The following NEGR1 variants were observed in gnomAD, a reference collection of about 807,000 sequenced individuals.
NEGR1 encodes the protein IgLON family member 4.
NEGR1 carries 10 observed loss-of-function variants against 40.9 expected under a neutral mutation model. The ratio of observed to expected loss-of-function variants is 0.24; its 90% confidence interval spans 0.15 to 0.42. The LOEUF is 0.42. Ranked by LOEUF, NEGR1 falls within the 10% of genes least tolerant of loss-of-function variation. The probability of loss-of-function intolerance (pLI) is 1.00; values close to 1 mark genes in which losing one functional copy is unlikely to be tolerated. For synonymous variants in NEGR1, 185 were observed against 166.8 expected, an observed-to-expected ratio of 1.11 and a Z score of -0.84; for missense variants, 352 against 438.9, an observed-to-expected ratio of 0.80 and a Z score of 1.77.
chr1:72,043,531 A>G (rs1646974215), intron 1 of NEGR1, among the ~76,000 whole-genome samples: 1 of 151,924 alleles, frequency 6.6e-6, no homozygotes, highest in South Asian at 2.1e-4. Flanking sequence ...TGAATATCAA[A>G]AATTTAACTC....
intron 1 of NEGR1, among the ~76,000 whole-genome samples, chr1:71,941,334 C>T (rs898310732): frequency 2.0e-5 from 3 of 149,202 alleles, no homozygotes; most frequent in Non-Finnish European, 4.5e-5. Context: ...TTCTCCCCTA[C>T]CTTTGTTTTT....
intron 1 of NEGR1, among the ~76,000 whole-genome samples, chr1:72,015,060 C>T (rs1569826642): frequency 6.6e-6 from 1 of 151,906 alleles, no homozygotes; most frequent in Non-Finnish European, 1.5e-5. Context: ...CAGCTAACAC[C>T]TTATTTCTTC....
chr1:71,815,118 T>C (rs977235778), intron 2 of NEGR1, among the ~76,000 whole-genome samples: 1 of 152,150 alleles, frequency 6.6e-6, no homozygotes, highest in African/African-American at 2.4e-5. Flanking sequence ...TTTGCTCTCA[T>C]TGGTTTCAAA....
intron 1 of NEGR1, among the ~76,000 whole-genome samples, chr1:72,002,995 T>C (rs948869094): frequency 6.6e-6 from 1 of 152,134 alleles, no homozygotes; most frequent in African/African-American, 2.4e-5. Context: ...GTAAAGTGAC[T>C]CCAACATAGC....
intron 1 of NEGR1, among the ~76,000 whole-genome samples, chr1:72,047,902 C>T (rs1310059811): frequency 2.0e-5 from 3 of 151,586 alleles, no homozygotes; most frequent in African/African-American, 7.2e-5. Context: ...AAGCATATAG[C>T]ACCAAGTATA....
intron 6 of NEGR1, among the ~76,000 whole-genome samples, chr1:71,491,731 C>T (rs947694239): frequency 1.3e-5 from 2 of 151,968 alleles, no homozygotes; most frequent in Non-Finnish European, 1.5e-5. Flanking sequence ...TTCTTTCATT[C>T]CCAAAGGGCT....
intron 6 of NEGR1, among the ~76,000 whole-genome samples, chr1:71,569,610 A>G (rs1483863859): frequency 2.0e-5 from 3 of 152,206 alleles, no homozygotes; most frequent in African/African-American, 7.2e-5. Context: ...TTATTTTTTA[A>G]AGCATGACAA....
intron 2 of NEGR1, among the ~76,000 whole-genome samples, chr1:71,898,964 C>CATATATATATATATATAGCATATATAT (rs56183950): frequency 1.0e-5 from 1 of 95,938 alleles, no homozygotes; most frequent in Non-Finnish European, 1.9e-5. Flanking sequence ...ATATATATAG[C>CATATATATATATATATAGCATATATAT]ATATATATAT....
Position 72,018,884 on chromosome 1 carries a change from T to C in NEGR1, c.177-83573A>G, listed in dbSNP as rs140227836. Among the ~76,000 whole-genome samples, 934 of 152,240 alleles carry C rather than the reference T, an allele frequency of 6.1e-3. 12 individuals carry two copies. Among genetic ancestry groups the C allele is most frequent in the Non-Finnish European group, 5.3e-3 (363 of 68,020 alleles). On this transcript the variant is annotated intron_variant, in intron 1 of 6. Coordinates refer to ENST00000357731, the MANE Select transcript of NEGR1 (RefSeq NM_173808.3). ...GGGGAAATGTTGGCATAGGGCAACA[T>C]GATCTAGCACCGGTTTCAAATACAT...
chr1:71,942,477 ATATATATTTTTTTTTTTTTT>A lies in NEGR1; in HGVS notation c.177-7186_177-7167del, dbSNP rs1418511771. On this transcript the variant is annotated intron_variant, in intron 1 of 6. Transcript: ENST00000357731. ...AATCTATATATATATATATATATAT[ATATATATTTTTTTTTTTTTT>A]TTTTTTTTTTTTTTTTTTTTTTGAG... Among the ~76,000 whole-genome samples, 21 of 14,916 alleles carry A rather than the reference ATATATATTTTTTTTTTTTTT, an allele frequency of 1.4e-3. 1 individual carries two copies. Among genetic ancestry groups the A allele is most frequent in the African/African-American group, 4.6e-3 (21 of 4,598 alleles). 9.8% of individuals were successfully genotyped at this position (14,916 alleles called of 152,430 possible). A position where few individuals can be genotyped will look rare whatever the true frequency, so the allele number is the denominator to read the frequency against.
intron 1 of NEGR1, among the ~76,000 whole-genome samples, chr1:72,170,000 C>A (rs995319437): frequency 3.3e-5 from 5 of 152,100 alleles, no homozygotes; most frequent in South Asian, 2.1e-4. Context: ...AAATTTAAAT[C>A]TAGATTTCCT....
rs1193121833 is a variant in NEGR1 at position 71,946,160 on chromosome 1, C to T, written c.177-10849G>A. 6.6e-5 allele frequency among the ~76,000 whole-genome samples: 10 copies of T among 152,178 alleles called. 1 individual carries two copies. The highest frequency in any genetic ancestry group is 6.6e-4 in the Admixed American group (10 of 15,266). ...ACCTCCTGGGTTCAAGCGATCCACC[C>T]GCCTTAGCCTCTCTCCACATGTCCT... On this transcript the variant is annotated intron_variant, in intron 1 of 6. Transcript: ENST00000357731.
In NEGR1 at chr1:71,608,770, G is replaced by C. The variant is rs375882710; in HGVS notation, c.788+2256C>G. On this transcript the variant is annotated intron_variant, in intron 5 of 6. Transcript: ENST00000357731. ...GCAATGATGTCCTAATTTAGAGAAGGGTTGTGAACAGGTAGAATTGAGGCT... is the reference window on the plus strand; with the variant it reads ...GCAATGATGTCCTAATTTAGAGAAGCGTTGTGAACAGGTAGAATTGAGGCT... 1.6e-4 allele frequency among the ~76,000 whole-genome samples: 24 copies of C among 152,250 alleles called. No individual in the cohort carries two copies. In the East Asian group the frequency reaches 4.3e-3, roughly 27 times the overall value.
At position 71,527,558 on chromosome 1, in the gene NEGR1, T is replaced by C. The variant is rs979771931; in HGVS notation, c.940+65259A>G. On this transcript the variant is annotated intron_variant, in intron 6 of 6. Transcript: ENST00000357731. ...TTCTTGCTATTGTGTGATTATTTGATAGTTGAATATTTTCACCCCTCTCTA... is the reference window on the plus strand; with the variant it reads ...TTCTTGCTATTGTGTGATTATTTGACAGTTGAATATTTTCACCCCTCTCTA... 3.3e-5 allele frequency among the ~76,000 whole-genome samples: 5 copies of C among 151,704 alleles called. No individual in the cohort carries two copies. In the Middle Eastern group the frequency reaches 0.017, roughly 516 times the overall value.
At chr1:71,607,354 T>C (rs1232174764) in intron 5 of NEGR1, among the ~76,000 whole-genome samples, 1 of 152,234 alleles carries the variant, frequency 6.6e-6, no homozygotes, top group Non-Finnish European at 1.5e-5. Flanking sequence ...CTTTTGCCCT[T>C]GGTATTTCAC....
intron 1 of NEGR1, among the ~76,000 whole-genome samples, chr1:72,081,434 T>C (rs1647992480): frequency 6.6e-6 from 1 of 152,144 alleles, no homozygotes; most frequent in South Asian, 2.1e-4. Context: ...TCATAAGTTA[T>C]ATAACCCCAA....
intron 3 of NEGR1, among the ~76,000 whole-genome samples, chr1:71,756,075 G>T (rs895430331): frequency 2.0e-5 from 3 of 152,066 alleles, no homozygotes; most frequent in African/African-American, 7.2e-5. Context: ...AGATATCCAA[G>T]AAAAAGTTAC....
chr1:71,919,347 A>G (rs1661692498), intron 2 of NEGR1, among the ~76,000 whole-genome samples: 1 of 152,226 alleles, frequency 6.6e-6, no homozygotes, highest in Non-Finnish European at 1.5e-5. Flanking sequence ...ACAGCCTCAT[A>G]GTAATGCTAG....
At chr1:71,558,869 C>G (rs943342313) in intron 6 of NEGR1, among the ~76,000 whole-genome samples, 2 of 150,512 alleles carry the variant, frequency 1.3e-5, no homozygotes, top group African/African-American at 4.9e-5. Flanking sequence ...TAATAGAGAC[C>G]AAGTTCTGGG....
Sources: allele counts gnomAD v4.1 joint callset (sites outside exome capture counted in the v4.1 genomes callset), GRCh38; gene constraint gnomAD v4.1.1; transcripts MANE v1.5; gene names NCBI Gene and HGNC (gene_info 2026-07-23, HGNC 2026-07-21).